Variants in LAMA2 observed in about 807,000 individuals in gnomAD.
The protein encoded by LAMA2 is laminin subunit alpha-2.
LAMA2 carries 269 observed loss-of-function variants against 364.8 expected under a neutral mutation model. The ratio of observed to expected loss-of-function variants is 0.74; its 90% confidence interval spans 0.67 to 0.82. The LOEUF (loss-of-function observed/expected upper bound fraction) is 0.82. Among genes scored for constraint, LAMA2 ranks in the 40% least tolerant of loss-of-function variants. The probability of loss-of-function intolerance (pLI) is 0.00; values close to 1 mark genes in which losing one functional copy is unlikely to be tolerated. For synonymous variants in LAMA2, 1,379 were observed against 1,370.6 expected (o/e 1.01, Z -0.14); for missense variants, 3,807 against 3,873.2 (o/e 0.98, Z 0.45).
intron 3 of LAMA2, among the ~76,000 whole-genome samples, chr6:129,071,384 G>A (rs189549170): frequency 7.2e-5 from 11 of 151,770 alleles, no homozygotes; most frequent in East Asian, 5.8e-4. Flanking sequence ...TTTCTCTATC[G>A]TGAAATTGTT....
intron 41 of LAMA2, among the ~76,000 whole-genome samples, chr6:129,437,599 A>C (rs1781897786): frequency 6.6e-6 from 1 of 152,102 alleles, no homozygotes. Context: ...TGGCATAAGA[A>C]ACTATTAAAA....
At chr6:129,394,222 C>T (rs1779482909) in intron 37 of LAMA2, among the ~76,000 whole-genome samples, 1 of 152,134 alleles carries the variant, frequency 6.6e-6, no homozygotes, top group Admixed American at 6.5e-5. Flanking sequence ...TATCTGACTC[C>T]AACAGGTCAG....
At chr6:129,145,630 G>A (rs1778387173) in intron 5 of LAMA2, among the ~76,000 whole-genome samples, 1 of 151,944 alleles carries the variant, frequency 6.6e-6, no homozygotes, top group African/African-American at 2.4e-5. Flanking sequence ...GCAGGAGGTA[G>A]AGTGGGGGTT....
chr6:129,219,206 G>A (rs1452542600), intron 12 of LAMA2, among the ~76,000 whole-genome samples: 1 of 152,082 alleles, frequency 6.6e-6, no homozygotes, highest in Non-Finnish European at 1.5e-5. Context: ...CATTTATGCA[G>A]CCAAAAAACA....
intron 40 of LAMA2, among the ~76,000 whole-genome samples, 178 bp from the exon 41 acceptor site, chr6:129,427,574 C>T (rs2114740312): frequency 6.6e-6 from 1 of 152,288 alleles, no homozygotes; most frequent in East Asian, 1.9e-4. Flanking sequence ...TCTTCTCATA[C>T]CGTAATAAAC....
At chr6:128,944,419 A>G (rs2114551139) in intron 1 of LAMA2, among the ~76,000 whole-genome samples, 1 of 152,276 alleles carries the variant, frequency 6.6e-6, no homozygotes, top group African/African-American at 2.4e-5. Flanking sequence ...CAGACTTCAG[A>G]GGGATATAGA....
At chr6:129,468,079 C>G (rs956328694) in intron 51 of LAMA2, among the ~76,000 whole-genome samples, 4 of 151,790 alleles carry the variant, frequency 2.6e-5, no homozygotes, top group African/African-American at 7.2e-5. Context: ...CAAATTGACT[C>G]TAGACTCACA....
intron 40 of LAMA2, among the ~76,000 whole-genome samples, chr6:129,408,345 A>C (rs1031959176): frequency 6.6e-6 from 1 of 152,152 alleles, no homozygotes; most frequent in Admixed American, 6.5e-5. Context: ...CAATTCTATC[A>C]ATCCACCTGC....
chr6:129,289,616 TG>T (rs1789542149), intron 19 of LAMA2, among the ~76,000 whole-genome samples: 1 of 152,184 alleles, frequency 6.6e-6, no homozygotes, highest in Non-Finnish European at 1.5e-5. Flanking sequence ...AATTTTATTA[TG>T]GTAATTTATT....
chr6:128,938,615 C>T (rs1420086910), intron 1 of LAMA2, among the ~76,000 whole-genome samples: 1 of 152,116 alleles, frequency 6.6e-6, no homozygotes, highest in African/African-American at 2.4e-5. Context: ...AGGGAAGGGT[C>T]AAAGCATTTG....
chr6:129,021,231 C>T (rs1376758201), intron 1 of LAMA2, among the ~76,000 whole-genome samples: 2 of 152,008 alleles, frequency 1.3e-5, no homozygotes, highest in Admixed American at 6.6e-5. Flanking sequence ...TCTTATGAAC[C>T]GGGCAAAATG....
intron 1 of LAMA2, among the ~76,000 whole-genome samples, chr6:129,027,263 G>A (rs531233687): frequency 3.3e-5 from 5 of 152,098 alleles, no homozygotes; most frequent in East Asian, 3.9e-4. Context: ...TACATAACAA[G>A]CACTTCATCA....
At chr6:129,115,245 G>A (rs1776405410) in intron 4 of LAMA2, among the ~76,000 whole-genome samples, 2 of 151,994 alleles carry the variant, frequency 1.3e-5, no homozygotes, top group Admixed American at 6.6e-5. Flanking sequence ...CCACATGTGT[G>A]TTCTAAAAAA....
intron 58 of LAMA2, among the ~76,000 whole-genome samples, chr6:129,498,927 T>G (rs1785408204): frequency 6.6e-6 from 1 of 152,184 alleles, no homozygotes; most frequent in Non-Finnish European, 1.5e-5. Flanking sequence ...GTTAAATGAG[T>G]GACAGTGTGG....
In LAMA2 at chr6:128,950,962, A is replaced by G. The variant is rs546293323; in HGVS notation, c.112+67605A>G. Among the ~76,000 whole-genome samples, 6 of 152,336 alleles carry G rather than the reference A, an allele frequency of 3.9e-5. No individual in the cohort carries two copies. The East Asian group carries it at 1.2e-3, about 29-fold the overall frequency. On this transcript the variant is annotated intron_variant, in intron 1 of 64. Transcript: ENST00000421865. ...ATTCAAATGGTATAGCACTAAGGCCATGTAAAAATATCATGTATTTCAATT... is the reference window on the plus strand; with the variant it reads ...ATTCAAATGGTATAGCACTAAGGCCGTGTAAAAATATCATGTATTTCAATT...
intron 16 of LAMA2, among the ~76,000 whole-genome samples, chr6:129,267,938 T>G (rs897867607): frequency 6.6e-5 from 10 of 152,102 alleles, no homozygotes; most frequent in Non-Finnish European, 1.2e-4. Context: ...GAAACAACAC[T>G]TCTCCTTTCA....
At chr6:128,943,303 G>GAGAA (rs1554331885) in intron 1 of LAMA2, among the ~76,000 whole-genome samples, 1 of 136,986 alleles carries the variant, frequency 7.3e-6, no homozygotes, top group African/African-American at 2.7e-5. Flanking sequence ...GAGAGAGAGA[G>GAGAA]AGAGTCAGTC....
chr6:129,292,390 A>T (rs1789765703), intron 20 of LAMA2, among the ~76,000 whole-genome samples: 1 of 152,238 alleles, frequency 6.6e-6, no homozygotes, highest in South Asian at 2.1e-4. Flanking sequence ...GCTTTTTAGC[A>T]AACACCTTCT....
At chr6:129,048,503 T>C (rs1426816747) in intron 1 of LAMA2, among the ~76,000 whole-genome samples, 1 of 42,120 alleles carries the variant, frequency 2.4e-5, no homozygotes, top group Non-Finnish European at 5.5e-5. Flanking sequence ...TTTCCTTCCT[T>C]CCTTCCTTCC....
Sources: gnomAD v4.1 joint callset for allele counts (sites outside exome capture counted in the v4.1 genomes callset) on GRCh38, gnomAD v4.1.1 for gene constraint, MANE v1.5 for transcripts, NCBI Gene and HGNC (gene_info 2026-07-23, HGNC 2026-07-21) for gene names.